The following SLC26A3 variants were observed in gnomAD, a reference collection of about 807,000 sequenced individuals.
SLC26A3 encodes the protein solute carrier family 26 member 3, also known as chloride anion exchanger.
A neutral mutation model predicts 85.6 loss-of-function variants in SLC26A3; 64 were observed. The observed-to-expected ratio is 0.75, with a 90% CI of 0.61 to 0.92. The LOEUF (loss-of-function observed/expected upper bound fraction) is 0.92, where lower values mean the gene tolerates loss of function less well. Ranked by LOEUF, SLC26A3 falls within the 40% of genes least tolerant of loss-of-function variation. SLC26A3 has a pLI of 0.00. For missense variants in SLC26A3, 922 were observed against 927.3 expected (o/e 0.99, Z 0.07); for synonymous variants, 349 against 336.0 (o/e 1.04, Z -0.42).
intron 1 of SLC26A3, among the ~76,000 whole-genome samples, chr7:107,799,769 C>T (rs953658809): frequency 1.3e-5 from 2 of 152,104 alleles, no homozygotes; most frequent in Admixed American, 6.6e-5. Context: ...GCAGGGTATA[C>T]AAAGGGAGAC....
intron 11 of SLC26A3, 70 bp from the exon 12 acceptor site, chr7:107,779,833 G>T: frequency 7.7e-7 from 1 of 1,293,688 alleles, no homozygotes; most frequent in Non-Finnish European, 1.1e-6. Flanking sequence ...AAAGGTGAAG[G>T]CTATAGATAA....
At position 107,783,323 on chromosome 7, in the gene SLC26A3, T is replaced by C. The variant is rs748189928; in HGVS notation, c.1001A>G (p.Glu334Gly). ...GFQPPITPDV[E>G]TFQNTVGDCF... ...ATCTCCTACGGTGTTTTGGAAAGTC[T>C]CCACGTCAGGTGTAATAGGGGGCTG... The change falls in exon 9 of 21, where the codon GAG becomes GGG. Residue 334 changes from glutamate (E) to glycine (G), a missense_variant. Transcript: ENST00000340010. 18 of 1,614,056 alleles carry C rather than the reference T, an allele frequency of 1.1e-5. No individual in the cohort carries two copies. The Admixed American group carries it at 3.0e-4, about 27-fold the overall frequency.
At chr7:107,799,392 T>C (rs562884453) in intron 1 of SLC26A3, among the ~76,000 whole-genome samples, 1 of 152,224 alleles carries the variant, frequency 6.6e-6, no homozygotes, top group African/African-American at 2.4e-5. Context: ...TTCTTTTCTT[T>C]TCTTTTTTTG....
intron 20 of SLC26A3, among the ~76,000 whole-genome samples, chr7:107,767,157 A>G (rs763771428): frequency 6.6e-6 from 1 of 152,142 alleles, no homozygotes; most frequent in Non-Finnish European, 1.5e-5. Flanking sequence ...TTGACTGGGC[A>G]CTGTGCTAGG....
chr7:107,766,941 A>G (rs959345060), intron 20 of SLC26A3, among the ~76,000 whole-genome samples: 1 of 151,952 alleles, frequency 6.6e-6, no homozygotes, highest in African/African-American at 2.4e-5. Flanking sequence ...AAGGATTGAG[A>G]TAATGAATGT....
At chr7:107,789,792 A>T (rs531543403) in intron 5 of SLC26A3, 104 bp from the exon 6 acceptor site, 4 of 1,216,076 alleles carry the variant, frequency 3.3e-6, no homozygotes, top group Non-Finnish European at 3.5e-6. Context: ...TAAAGGCTCA[A>T]CCTGTATGTA....
Position 107,803,194 on chromosome 7 carries a change from T to A in SLC26A3, c.-172A>T, listed in dbSNP as rs1038301615. ...TAAGTTCTAGTTCTAAGAGGCAGTG[T>A]CCATCCACTCAGGTCTACAGGCTCT... On this transcript the variant is annotated 5_prime_UTR_variant, in exon 1 of 21. Transcript: ENST00000340010. 1 of 152,360 alleles carries A rather than the reference T, an allele frequency of 6.6e-6. No homozygotes were observed. Among genetic ancestry groups the A allele is most frequent in the Non-Finnish European group, 1.5e-5 (1 of 68,042 alleles). 9.4% of individuals were successfully genotyped at this position (152,360 alleles called of 1,614,324 possible). A position where few individuals can be genotyped will look rare whatever the true frequency, so the allele number is the denominator to read the frequency against.
intron 13 of SLC26A3, among the ~76,000 whole-genome samples, 178 bp downstream of exon 13, chr7:107,777,997 G>A (rs375315379): frequency 4.6e-5 from 7 of 152,198 alleles, no homozygotes; most frequent in South Asian, 2.1e-4. Context: ...AAGCTGGGCC[G>A]TGCTATTGCC....
chr7:107,791,255 T>C lies in SLC26A3; in HGVS notation c.383-20A>G. 1 of 1,612,050 alleles carries C rather than the reference T, an allele frequency of 6.2e-7. No individual in the cohort carries two copies. Among genetic ancestry groups the C allele is most frequent in the East Asian group, 2.2e-5 (1 of 44,870 alleles). ...ACGGACCTAATTAACAGTGGGTGAA[T>C]CGTGGTCAGTATATGCCTCTCTAAA... On this transcript the variant is annotated intron_variant, in intron 4 of 20. Transcript: ENST00000340010.
intron 11 of SLC26A3, among the ~76,000 whole-genome samples, chr7:107,780,220 C>T (rs550577040): frequency 7.9e-5 from 12 of 152,024 alleles, no homozygotes; most frequent in African/African-American, 2.7e-4. Flanking sequence ...TGACTTGAGG[C>T]GGGCTTTCTG....
At chr7:107,782,944 G>T (rs775333805) in intron 10 of SLC26A3, 36 bp downstream of exon 10, 1 of 1,608,284 alleles carries the variant, frequency 6.2e-7, no homozygotes, top group East Asian at 2.2e-5. Context: ...AGTTACTAAC[G>T]CTAGGACAGT....
At chr7:107,769,267 C>T (rs547941380) in intron 18 of SLC26A3, among the ~76,000 whole-genome samples, 13 of 152,150 alleles carry the variant, frequency 8.5e-5, no homozygotes, top group East Asian at 3.9e-4. Context: ...TTTATAAAGA[C>T]GCATGCATGC....
chr7:107,795,331 ATTTACT>A (rs1794477307), intron 1 of SLC26A3, among the ~76,000 whole-genome samples: 1 of 152,194 alleles, frequency 6.6e-6, no homozygotes, highest in Admixed American at 6.5e-5. Context: ...CACTATAGGC[ATTTACT>A]AAATGGTAGT....
intron 8 of SLC26A3, 60 bp downstream of exon 8, chr7:107,786,767 G>T: frequency 7.2e-7 from 1 of 1,384,038 alleles, no homozygotes. Flanking sequence ...TACCTCTCCT[G>T]TCACTACTGC....
chr7:107,773,462 A>G (rs991519373), intron 17 of SLC26A3, among the ~76,000 whole-genome samples: 12 of 152,196 alleles, frequency 7.9e-5, no homozygotes, highest in Admixed American at 2.0e-4. Context: ...AGTCCACTGA[A>G]CACCACCTTT....
intron 3 of SLC26A3, 152 bp downstream of exon 3, chr7:107,793,590 G>T: frequency 1.6e-6 from 1 of 629,222 alleles, no homozygotes; most frequent in South Asian, 2.1e-5. Flanking sequence ...AATGGGTAAG[G>T]GATTTTTAGG....
intron 8 of SLC26A3, among the ~76,000 whole-genome samples, chr7:107,784,436 G>GGAT: frequency 6.6e-6 from 1 of 152,194 alleles, no homozygotes; most frequent in African/African-American, 2.4e-5. Flanking sequence ...TGTAGAGTGA[G>GGAT]GATAATAAAA....
intron 20 of SLC26A3, among the ~76,000 whole-genome samples, chr7:107,766,827 T>TATG (rs1793924078): frequency 1.3e-5 from 2 of 151,602 alleles, no homozygotes; most frequent in Non-Finnish European, 2.9e-5. Context: ...CCTGTTGGGG[T>TATG]CACTTGGTAT....
Position 107,793,888 on chromosome 7 carries a change from A to C in SLC26A3, c.132-7T>G. ...GGCCTTTTGTGGGGAACAGCTGAAAACATGGAAAGCCACAGGTCAGTCAAT... is the reference window on the plus strand; with the variant it reads ...GGCCTTTTGTGGGGAACAGCTGAAACCATGGAAAGCCACAGGTCAGTCAAT... On this transcript the variant is annotated splice_region_variant and splice_polypyrimidine_tract_variant and intron_variant, in intron 2 of 20. Coordinates refer to ENST00000340010, the MANE Select transcript of SLC26A3 (RefSeq NM_000111.3). 2 of 1,614,050 alleles carry C rather than the reference A, an allele frequency of 1.2e-6. No individual in the cohort carries two copies.
Sources: allele counts gnomAD v4.1 joint callset (sites outside exome capture counted in the v4.1 genomes callset), GRCh38; gene constraint gnomAD v4.1.1; transcripts MANE v1.5; gene names NCBI Gene and HGNC (gene_info 2026-07-23, HGNC 2026-07-21).